The following VIPAS39 variants were observed in gnomAD, a reference collection of about 807,000 sequenced individuals.
VIPAS39 encodes spermatogenesis-defective protein 39 homolog.
VIPAS39 carries 63 observed loss-of-function variants against 84.7 expected under a neutral mutation model. The observed-to-expected ratio is 0.74, with a 90% CI of 0.61 to 0.92. The LOEUF (loss-of-function observed/expected upper bound fraction) is 0.92. VIPAS39 is among the 40% of genes least tolerant of loss of function. The pLI, the probability that VIPAS39 is intolerant of heterozygous loss-of-function variation, is 0.00. For synonymous variants in VIPAS39, 192 were observed against 216.5 expected (o/e 0.89, Z 0.99); for missense variants, 499 against 604.5 (o/e 0.83, Z 1.83).
intron 7 of VIPAS39, among the ~76,000 whole-genome samples, chr14:77,446,760 T>C (rs1266168894): frequency 6.6e-6 from 1 of 152,064 alleles, no homozygotes; most frequent in Non-Finnish European, 1.5e-5. Flanking sequence ...TCCAATGAAC[T>C]AGAATAAAGA....
intron 1 of VIPAS39, among the ~76,000 whole-genome samples, chr14:77,455,950 T>G (rs1169724499): frequency 6.6e-6 from 1 of 152,182 alleles, no homozygotes; most frequent in South Asian, 2.1e-4. Flanking sequence ...CACACAGACA[T>G]TGTAGTCAGG....
intron 3 of VIPAS39, 32 bp downstream of exon 3, chr14:77,453,267 A>G (rs1383553749): frequency 1.9e-6 from 3 of 1,601,040 alleles, no homozygotes; most frequent in African/African-American, 2.7e-5. Context: ...AATCCTCAAC[A>G]TCTATCCCTG....
At chr14:77,434,338 T>C (rs538314467) in intron 14 of VIPAS39, 35 bp from the exon 15 acceptor site, 54 of 1,607,438 alleles carry the variant, frequency 3.4e-5, no homozygotes, top group Middle Eastern at 1.6e-4. Context: ...TTTAGTGATA[T>C]TGACTTTCCC....
intron 14 of VIPAS39, 151 bp from the exon 15 acceptor site, chr14:77,434,454 G>T: frequency 1.3e-6 from 1 of 772,220 alleles, no homozygotes; most frequent in Non-Finnish European, 2.2e-6. Context: ...AGCTCCATTG[G>T]GAATAGTCAG....
chr14:77,448,736 G>A (rs907380737), intron 6 of VIPAS39, among the ~76,000 whole-genome samples, 186 bp from the exon 7 acceptor site: 2 of 152,162 alleles, frequency 1.3e-5, no homozygotes, highest in African/African-American at 2.4e-5. Context: ...TAGAGCAGGG[G>A]CAATATAGAT....
chr14:77,448,646 G>A, intron 6 of VIPAS39, 96 bp from the exon 7 acceptor site: 1 of 1,311,940 alleles, frequency 7.6e-7, no homozygotes, highest in Non-Finnish European at 1.1e-6. Context: ...AGTGTCTAAG[G>A]GGGAAATAAT....
chr14:77,430,818 C>T (rs1473253296), intron 16 of VIPAS39, among the ~76,000 whole-genome samples: 3 of 151,368 alleles, frequency 2.0e-5, no homozygotes, highest in East Asian at 1.9e-4. Context: ...CAAAACAGTA[C>T]GGGGCTGGCA....
At chr14:77,435,178 G>A (rs1006173734) in intron 14 of VIPAS39, 81 bp downstream of exon 14, 38 of 1,585,660 alleles carry the variant, frequency 2.4e-5, no homozygotes, top group Middle Eastern at 1.7e-4. Flanking sequence ...ATTATTAATA[G>A]AGTACATAAA....
intron 1 of VIPAS39, chr14:77,456,989 GT>G (rs1329748425): frequency 1.7e-5 from 17 of 979,242 alleles, no homozygotes; most frequent in Admixed American, 1.7e-4. Context: ...ACAAGGCAGG[GT>G]GAGAGACCTC....
intron 16 of VIPAS39, among the ~76,000 whole-genome samples, chr14:77,432,245 T>C (rs2078535116): frequency 6.6e-6 from 1 of 152,068 alleles, no homozygotes; most frequent in African/African-American, 2.4e-5. Context: ...ATAACATTTA[T>C]CTTAAAAAAA....
At chr14:77,432,595 A>C (rs898652188) in intron 16 of VIPAS39, among the ~76,000 whole-genome samples, 3 of 152,210 alleles carry the variant, frequency 2.0e-5, no homozygotes, top group Admixed American at 6.5e-5. Flanking sequence ...GAACTTAAAA[A>C]ATAAGGAGAT....
chr14:77,435,140 G>C, intron 14 of VIPAS39, 119 bp downstream of exon 14: 1 of 1,515,206 alleles, frequency 6.6e-7, no homozygotes, highest in South Asian at 1.1e-5. Flanking sequence ...AAAGCTTCCA[G>C]GTGGATTTCT....
At chr14:77,446,405 C>T (rs1015475832) in intron 7 of VIPAS39, among the ~76,000 whole-genome samples, 2 of 152,054 alleles carry the variant, frequency 1.3e-5, no homozygotes, top group Non-Finnish European at 2.9e-5. Context: ...CAGGGCTCAA[C>T]TGATCTTCCT....
At chr14:77,454,166 T>A in intron 1 of VIPAS39, 64 bp from the exon 2 acceptor site, 1 of 1,475,602 alleles carries the variant, frequency 6.8e-7, no homozygotes, top group Non-Finnish European at 9.5e-7. Flanking sequence ...TTCCAAAAGC[T>A]TTAGTTTCCT....
At chr14:77,440,670 C>A (rs1379452475) in intron 11 of VIPAS39, among the ~76,000 whole-genome samples, 2 of 152,118 alleles carry the variant, frequency 1.3e-5, no homozygotes, top group Non-Finnish European at 2.9e-5. Context: ...TAATCAATAT[C>A]AAAGGAAATA....
intron 12 of VIPAS39, among the ~76,000 whole-genome samples, 154 bp downstream of exon 12, chr14:77,437,654 G>A (rs917862072): frequency 7.2e-5 from 11 of 152,228 alleles, no homozygotes; most frequent in African/African-American, 2.4e-4. Context: ...GGACTAGTGT[G>A]TGAACACCAC....
chr14:77,439,994 T>C (rs115470193), intron 11 of VIPAS39, among the ~76,000 whole-genome samples: 5,918 of 152,192 alleles, frequency 0.039, 277 homozygotes, highest in African/African-American at 0.11. Flanking sequence ...GCGATTCTCC[T>C]ACCTCAGCTT....
chr14:77,445,101 G>A (rs2078767204), intron 7 of VIPAS39, among the ~76,000 whole-genome samples: 1 of 151,500 alleles, frequency 6.6e-6, no homozygotes, highest in East Asian at 2.0e-4. Flanking sequence ...TGGGACTATG[G>A]GCACCTGCCA....
chr14:77,452,982 C>T (rs1344428672), intron 3 of VIPAS39, among the ~76,000 whole-genome samples: 1 of 152,088 alleles, frequency 6.6e-6, no homozygotes, highest in African/African-American at 2.4e-5. Context: ...ACCCCCTCTA[C>T]TCCGCAGAAG....
Sources: gnomAD v4.1 joint callset for allele counts (sites outside exome capture counted in the v4.1 genomes callset) on GRCh38, gnomAD v4.1.1 for gene constraint, MANE v1.5 for transcripts, NCBI Gene and HGNC (gene_info 2026-07-23, HGNC 2026-07-21) for gene names.